GAB3: variants seen among roughly 807,000 people sequenced by gnomAD.
GAB3 encodes GRB2-associated-binding protein 3.
Under a neutral mutation model 40.4 loss-of-function variants are expected in GAB3, and 12 were observed. That is an observed-to-expected ratio of 0.30 (90% CI 0.19 to 0.48). The LOEUF (loss-of-function observed/expected upper bound fraction) is 0.48, where lower values mean the gene tolerates loss of function less well. Among genes scored for constraint, GAB3 ranks in the 20% least tolerant of loss-of-function variants. The pLI, the probability that GAB3 is intolerant of heterozygous loss-of-function variation, is 0.99. For missense variants in GAB3, 381 were observed against 461.9 expected (o/e 0.82, Z 1.61); for synonymous variants, 154 against 176.7 (o/e 0.87, Z 1.02).
At chrX:154,720,581 C>T (rs922612948) in intron 1 of GAB3, among the ~76,000 whole-genome samples, 23 of 97,772 alleles carry the variant, frequency 2.4e-4, no homozygotes, top group Non-Finnish European at 3.4e-4. Flanking sequence ...GAGCCGAGAT[C>T]GCGCCACTGC....
chrX:154,745,514 G>A (rs1484637050), intron 1 of GAB3, among the ~76,000 whole-genome samples: 2 of 111,647 alleles, frequency 1.8e-5, no homozygotes, highest in Middle Eastern at 4.6e-3. Context: ...GAAATTGAAA[G>A]CAGGGAGAAA....
At chrX:154,702,659 T>A (rs1041569334) in intron 4 of GAB3, among the ~76,000 whole-genome samples, 4 of 111,947 alleles carry the variant, frequency 3.6e-5, no homozygotes, top group Admixed American at 2.8e-4. Context: ...ATTTGCAAAC[T>A]ACCCATCTGA....
At chrX:154,739,706 G>A (rs1343239674) in intron 1 of GAB3, among the ~76,000 whole-genome samples, 1 of 110,497 alleles carries the variant, frequency 9.1e-6, no homozygotes, top group Admixed American at 9.5e-5. Context: ...GACAGAGGTG[G>A]AAGAAGTTTT....
chrX:154,696,614 T>C (rs1409973647), intron 7 of GAB3, among the ~76,000 whole-genome samples: 2 of 112,239 alleles, frequency 1.8e-5, no homozygotes, highest in African/African-American at 3.2e-5. Context: ...CATTTTGAAG[T>C]CTGTCTACCC....
At chrX:154,708,450 G>C (rs1265725206) in intron 4 of GAB3, among the ~76,000 whole-genome samples, 2 of 112,225 alleles carry the variant, frequency 1.8e-5, no homozygotes, top group Non-Finnish European at 3.8e-5. Context: ...GCAACCTAGA[G>C]AATGAGAGAA....
intron 1 of GAB3, among the ~76,000 whole-genome samples, chrX:154,747,852 G>T (rs782200369): frequency 2.7e-5 from 3 of 112,265 alleles, no homozygotes; most frequent in South Asian, 7.3e-4. Flanking sequence ...TTAAATTTTA[G>T]TTCTTCAAAA....
At chrX:154,689,523 T>C (rs1339386301) in intron 8 of GAB3, among the ~76,000 whole-genome samples, 1 of 109,718 alleles carries the variant, frequency 9.1e-6, no homozygotes, top group African/African-American at 3.3e-5. Flanking sequence ...AACCCCATTG[T>C]CTCAGCCCAA....
In GAB3 at chrX:154,677,972, G is replaced by A. The variant is rs1033969031; in HGVS notation, c.*206C>T. ...TCAGAGCCCCCTCCGGAAGGCAACT[G>A]CTTCCTTCTTTTCTTCCTTCAATGT... On this transcript the variant is annotated 3_prime_UTR_variant, in exon 10 of 10. Coordinates refer to ENST00000424127, the MANE Select transcript of GAB3 (RefSeq NM_001081573.3). 6.1e-6 allele frequency: 2 copies of A among 328,305 alleles called. No homozygotes were observed. Among genetic ancestry groups the A allele is most frequent in the Non-Finnish European group, 1.0e-5 (2 of 190,678 alleles). The allele number at this position is 328,305 out of a possible 1,213,427, so 27.1% of individuals were successfully genotyped here.
At chrX:154,682,654 T>G (rs1386400092) in intron 8 of GAB3, among the ~76,000 whole-genome samples, 1 of 111,967 alleles carries the variant, frequency 8.9e-6, no homozygotes, top group African/African-American at 3.2e-5. Context: ...CTCATCTCTC[T>G]GAGAATATTG....
At chrX:154,737,093 T>C (rs782693805) in intron 1 of GAB3, among the ~76,000 whole-genome samples, 50 of 111,987 alleles carry the variant, frequency 4.5e-4, no homozygotes, top group African/African-American at 1.6e-3. Context: ...TGCTACCCAT[T>C]TCTTCCTAAA....
At chrX:154,706,059 A>C (rs781814436) in intron 4 of GAB3, among the ~76,000 whole-genome samples, 36 of 111,994 alleles carry the variant, frequency 3.2e-4, no homozygotes, top group African/African-American at 1.0e-3. Flanking sequence ...TGAAAACTAA[A>C]CTACAAAACA....
chrX:154,706,081 A>C (rs2070803154), intron 4 of GAB3, among the ~76,000 whole-genome samples: 1 of 111,933 alleles, frequency 8.9e-6, no homozygotes, highest in Non-Finnish European at 1.9e-5. Context: ...TGATAAAAAG[A>C]ATTGAAGAGG....
At chrX:154,737,105 C>T (rs2071375095) in intron 1 of GAB3, among the ~76,000 whole-genome samples, 1 of 111,883 alleles carries the variant, frequency 8.9e-6, no homozygotes, top group Admixed American at 9.4e-5. Flanking sequence ...CTTCCTAAAC[C>T]ATTAATATTG....
chrX:154,685,988 T>C (rs1032378206), intron 8 of GAB3, among the ~76,000 whole-genome samples: 3 of 111,509 alleles, frequency 2.7e-5, no homozygotes, highest in Non-Finnish European at 5.7e-5. Context: ...CGAGATCAAA[T>C]AGATAATGAT....
In GAB3 at chrX:154,747,164, C is replaced by G. The variant is rs993063594; in HGVS notation, c.72+3790G>C. Among the ~76,000 whole-genome samples, 3 of 111,850 alleles carry G rather than the reference C, an allele frequency of 2.7e-5. No individual in the cohort carries two copies. The East Asian group carries it at 8.4e-4, about 31-fold the overall frequency. On this transcript the variant is annotated intron_variant, in intron 1 of 9. Coordinates refer to ENST00000424127, the MANE Select transcript of GAB3 (RefSeq NM_001081573.3). ...GGGATTACAGGTGCCCACCACCATG[C>G]CTGGCTAATTTTTTTTGTGTTTTTA...
intron 1 of GAB3, among the ~76,000 whole-genome samples, chrX:154,718,727 C>A (rs1603426550): frequency 9.0e-6 from 1 of 111,112 alleles, no homozygotes. Flanking sequence ...TTTGTGCCTG[C>A]TGAGGAAAGC....
At chrX:154,698,495 C>T (rs1295205258) in intron 6 of GAB3, among the ~76,000 whole-genome samples, 19 of 111,291 alleles carry the variant, frequency 1.7e-4, no homozygotes, top group Admixed American at 1.7e-3. Context: ...GCTTTGGGCA[C>T]AGCCACCTGA....
At chrX:154,736,642 G>A (rs181034834) in intron 1 of GAB3, among the ~76,000 whole-genome samples, 7 of 112,308 alleles carry the variant, frequency 6.2e-5, no homozygotes, top group Non-Finnish European at 9.4e-5. Context: ...TCCGATTCAC[G>A]GTAAAGGTTT....
At chrX:154,703,580 T>C (rs182530169) in intron 4 of GAB3, among the ~76,000 whole-genome samples, 1 of 111,455 alleles carries the variant, frequency 9.0e-6, no homozygotes, top group Non-Finnish European at 1.9e-5. Flanking sequence ...GGTGATGAAA[T>C]AGTCAACAAA....
Sources: gnomAD v4.1 joint callset for allele counts (sites outside exome capture counted in the v4.1 genomes callset) on GRCh38, gnomAD v4.1.1 for gene constraint, MANE v1.5 for transcripts, NCBI Gene and HGNC (gene_info 2026-07-23, HGNC 2026-07-21) for gene names.